Variants in LRRC7 observed in about 807,000 individuals in gnomAD.
LRRC7 encodes the protein leucine rich repeat containing 7.
In LRRC7, 23 loss-of-function variants were observed where a neutral mutation model predicts 175.7. That is an observed-to-expected ratio of 0.13 (90% CI 0.09 to 0.19). The LOEUF (loss-of-function observed/expected upper bound fraction) is 0.19. Ranked by LOEUF, LRRC7 falls within the 10% of genes least tolerant of loss-of-function variation. The pLI, the probability that LRRC7 is intolerant of heterozygous loss-of-function variation, is 1.00. For synonymous variants in LRRC7, 685 were observed against 680.9 expected (o/e 1.01, Z -0.09); for missense variants, 1,354 against 1,904.7 (o/e 0.71, Z 5.38).
rs142559304 is a variant in LRRC7 at position 69,906,597 on chromosome 1, C to T, written c.648-24910C>T. Reference sequence around the variant, plus strand: ...ATATGTGGCATGATTTCTGAGGGCTCTGTTCTGTTCCATTGATCTATATCT... The same window carrying T: ...ATATGTGGCATGATTTCTGAGGGCTTTGTTCTGTTCCATTGATCTATATCT... On this transcript the variant is annotated intron_variant, in intron 7 of 26. Coordinates refer to ENST00000651989, the MANE Select transcript of LRRC7 (RefSeq NM_001370785.2). Among the ~76,000 whole-genome samples the T allele has an allele frequency of 3.3e-3, 496 of 152,252 alleles. 1 individual carries two copies. The highest frequency in any genetic ancestry group is 0.011 in the African/African-American group (447 of 41,536).
At chr1:70,108,531 G>A (rs1370316013) in intron 26 of LRRC7, among the ~76,000 whole-genome samples, 1 of 152,006 alleles carries the variant, frequency 6.6e-6, no homozygotes, top group Non-Finnish European at 1.5e-5. Flanking sequence ...CTATATAAGA[G>A]GTGCATAATC....
Position 69,734,990 on chromosome 1 carries a change from C to A in LRRC7, c.101-25201C>A, listed in dbSNP as rs1053773999. 1.1e-4 allele frequency among the ~76,000 whole-genome samples: 17 copies of A among 151,564 alleles called. 1 individual carries two copies. In the South Asian group the frequency reaches 1.7e-3, roughly 15 times the overall value. ...AACTGTTAAAAATAGGAAAAAAAAA[C>A]CACCTATATAATCTTTACCTAGATT... is the stretch of plus-strand genomic sequence containing the variant. On this transcript the variant is annotated intron_variant, in intron 2 of 26. Transcript: ENST00000651989.
intron 7 of LRRC7, among the ~76,000 whole-genome samples, chr1:69,853,196 A>G (rs1335711124): frequency 6.6e-6 from 1 of 151,686 alleles, no homozygotes; most frequent in Non-Finnish European, 1.5e-5. Context: ...GCCATATTTT[A>G]CTGGAATTCT....
rs186002185 is a variant in LRRC7 at position 70,102,420 on chromosome 1, G to A, written c.4546-5332G>A. 1.9e-3 allele frequency among the ~76,000 whole-genome samples: 297 copies of A among 152,318 alleles called. 2 individuals are homozygous for A. The highest frequency in any genetic ancestry group is 3.7e-3 in the Non-Finnish European group (252 of 68,036). ...CCTTTCAATATACTCTAAACAGAGAGGAAAAGAATTTTTTCTGCCAATAAA... is the reference window on the plus strand; with the variant it reads ...CCTTTCAATATACTCTAAACAGAGAAGAAAAGAATTTTTTCTGCCAATAAA... On this transcript the variant is annotated intron_variant, in intron 25 of 26. Coordinates refer to ENST00000651989, the MANE Select transcript of LRRC7 (RefSeq NM_001370785.2).
intron 16 of LRRC7, among the ~76,000 whole-genome samples, chr1:70,022,799 T>A (rs1657650659): frequency 6.6e-6 from 1 of 152,172 alleles, no homozygotes; most frequent in Admixed American, 6.5e-5. Flanking sequence ...TACATTAAAT[T>A]CAGCACCATT....
chr1:70,137,534 C>CTGT lies in LRRC7; in HGVS notation c.*15649_*15651dup, dbSNP rs1303161887. Among the ~76,000 whole-genome samples the CTGT allele has an allele frequency of 6.6e-6, 1 of 152,208 alleles. No individual in the cohort carries two copies. The highest frequency in any genetic ancestry group is 1.9e-4 in the East Asian group (1 of 5,194). On this transcript the variant is annotated 3_prime_UTR_variant, in exon 27 of 27. Transcript: ENST00000651989. ...CATACAAGGAAAACATTAGTCTTTACTGTTAGCAAACACTCCACCACTGGG... is the reference window on the plus strand; with the variant it reads ...CATACAAGGAAAACATTAGTCTTTACTGTTGTTAGCAAACACTCCACCACTGGG...
At position 70,073,871 on chromosome 1, in the gene LRRC7, C is replaced by G. The variant is rs543685724; in HGVS notation, c.4231-2206C>G. 8.5e-5 allele frequency among the ~76,000 whole-genome samples: 13 copies of G among 152,320 alleles called. No individual in the cohort carries two copies. The Middle Eastern group carries it at 0.01, about 120-fold the overall frequency. On this transcript the variant is annotated intron_variant, in intron 23 of 26. Transcript: ENST00000651989. ...TGACTCCTGAAATCATTTTCTCTAG[C>G]TATGTAACTGGGCATGCCAGTGAGT...
Position 70,039,009 on chromosome 1 carries a change from CA to C in LRRC7, c.3192del (p.Val1065SerfsTer16). ...KGPQQQKASM[T>X]KKVYQFDQSF... is the part of the protein sequence containing the mutation. ...CCACAACAACAAAAAGCTTCTATGACAAAAAAAGTCTATCAGTTTGACCAAA... is the reference window on the plus strand; with the variant it reads ...CCACAACAACAAAAAGCTTCTATGACAAAAAAGTCTATCAGTTTGACCAAA... On this transcript the variant is annotated frameshift_variant, in exon 21 of 27. Transcript: ENST00000651989. LOFTEE classifies it high-confidence loss of function. The C allele has an allele frequency of 6.2e-7, 1 of 1,613,688 alleles. No individual in the cohort carries two copies. The highest frequency in any genetic ancestry group is 8.5e-7 in the Non-Finnish European group (1 of 1,179,884).
At chr1:69,939,033 A>ATATG (rs1557911076) in intron 8 of LRRC7, among the ~76,000 whole-genome samples, 1 of 69,280 alleles carries the variant, frequency 1.4e-5, no homozygotes, top group African/African-American at 4.0e-5. Flanking sequence ...ATATATATCT[A>ATATG]TATATATCTA....
chr1:69,979,399 C>T (rs980921146), intron 8 of LRRC7, among the ~76,000 whole-genome samples: 2 of 152,038 alleles, frequency 1.3e-5, no homozygotes, highest in Non-Finnish European at 2.9e-5. Context: ...GTCTGCTGCC[C>T]GAAGTTAGAA....
chr1:70,085,627 A>G (rs1334603399), intron 24 of LRRC7, among the ~76,000 whole-genome samples: 7 of 152,124 alleles, frequency 4.6e-5, no homozygotes, highest in Non-Finnish European at 1.0e-4. Flanking sequence ...CAAATGTGAC[A>G]TACTCAGAGA....
At chr1:69,873,361 A>T in intron 7 of LRRC7, 2 of 498,652 alleles carry the variant, frequency 4.0e-6, no homozygotes, top group Admixed American at 4.1e-5. Flanking sequence ...AAAACAAGTA[A>T]ACTTTCTACC....
At position 70,007,532 on chromosome 1, in the gene LRRC7, A is replaced by G. The variant is rs1228067084; in HGVS notation, c.1005-4265A>G. Among the ~76,000 whole-genome samples the G allele has an allele frequency of 2.0e-5, 3 of 152,228 alleles. No homozygotes were observed. The East Asian group carries it at 5.8e-4, about 29-fold the overall frequency. On this transcript the variant is annotated intron_variant, in intron 11 of 26. Transcript: ENST00000651989. ...TAGTAAAACTAATAGTTATTTTTGT[A>G]TAATGTAATATTAAACATTAGAAAC...
At chr1:69,860,467 A>G (rs1228419832) in intron 7 of LRRC7, among the ~76,000 whole-genome samples, 1 of 152,064 alleles carries the variant, frequency 6.6e-6, no homozygotes, top group African/African-American at 2.4e-5. Context: ...GATCTGTCTT[A>G]TAAATCTGAG....
At chr1:70,001,571 T>C (rs1239438517) in intron 11 of LRRC7, among the ~76,000 whole-genome samples, 1 of 152,214 alleles carries the variant, frequency 6.6e-6, no homozygotes, top group East Asian at 1.9e-4. Flanking sequence ...AATGAAAGCC[T>C]GGAAATGTAA....
chr1:69,951,889 A>C (rs1289308647), intron 8 of LRRC7, among the ~76,000 whole-genome samples: 3 of 152,062 alleles, frequency 2.0e-5, no homozygotes, highest in Non-Finnish European at 1.5e-5. Flanking sequence ...CCCTCATGAC[A>C]TGAATTTACC....
At chr1:69,827,919 A>G (rs1350237064) in intron 5 of LRRC7, among the ~76,000 whole-genome samples, 1 of 152,166 alleles carries the variant, frequency 6.6e-6, no homozygotes, top group Non-Finnish European at 1.5e-5. Flanking sequence ...CCATCTCCAT[A>G]GTCAAGATAT....
At chr1:69,919,830 G>A in intron 7 of LRRC7, 4 of 731,698 alleles carry the variant, frequency 5.5e-6, no homozygotes, top group Admixed American at 2.4e-5. Flanking sequence ...GTCATTGTCC[G>A]CACGGAGTGA....
At chr1:70,119,986 G>A (rs1666109255) in intron 26 of LRRC7, among the ~76,000 whole-genome samples, 1 of 151,998 alleles carries the variant, frequency 6.6e-6, no homozygotes, top group Admixed American at 6.6e-5. Flanking sequence ...AGGCATTAAG[G>A]TAGTCAGTAC....
Sources: allele counts gnomAD v4.1 joint callset (sites outside exome capture counted in the v4.1 genomes callset), GRCh38; gene constraint gnomAD v4.1.1; transcripts MANE v1.5; gene names NCBI Gene and HGNC (gene_info 2026-07-23, HGNC 2026-07-21).